EHBP1: variants seen among roughly 807,000 people sequenced by gnomAD.
EHBP1 encodes EH domain binding protein 1.
A neutral mutation model predicts 144.0 loss-of-function variants in EHBP1; 55 were observed. The observed-to-expected ratio is 0.38, with a 90% CI of 0.31 to 0.48. EHBP1 has a LOEUF of 0.48. EHBP1 is among the 20% of genes least tolerant of loss of function. EHBP1 has a pLI of 0.98. For synonymous variants in EHBP1, 469 were observed against 472.7 expected (o/e 0.99, Z 0.10); for missense variants, 1,200 against 1,364.2 (o/e 0.88, Z 1.90).
chr2:62,902,841 G>T (rs964202270), intron 10 of EHBP1, among the ~76,000 whole-genome samples: 1 of 152,240 alleles, frequency 6.6e-6, no homozygotes, highest in Non-Finnish European at 1.5e-5. Context: ...TTTGTTTCAT[G>T]TAAAAATAGT....
intron 2 of EHBP1, among the ~76,000 whole-genome samples, chr2:62,728,893 A>G (rs2037109625): frequency 1.3e-5 from 2 of 151,952 alleles, no homozygotes; most frequent in Admixed American, 1.3e-4. Context: ...TAACTCTTAC[A>G]TATAGTAAGA....
At chr2:62,899,876 GCA>G (rs2053253003) in intron 10 of EHBP1, among the ~76,000 whole-genome samples, 1 of 152,114 alleles carries the variant, frequency 6.6e-6, no homozygotes. Flanking sequence ...ACTGAAATAT[GCA>G]CAGTTTATTT....
chr2:62,716,726 G>A (rs973807187), intron 2 of EHBP1, among the ~76,000 whole-genome samples: 1 of 152,190 alleles, frequency 6.6e-6, no homozygotes. Flanking sequence ...GCGACAAATA[G>A]TCTCTTGTGA....
chr2:62,829,020 A>G lies in EHBP1; in HGVS notation c.495-1999A>G, dbSNP rs1259282452. Among the ~76,000 whole-genome samples, 6 of 152,088 alleles carry G rather than the reference A, an allele frequency of 3.9e-5. No individual in the cohort carries two copies. The East Asian group carries it at 1.2e-3, about 29-fold the overall frequency. ...GGGGTCCCAGCTACTGAGGAGGCTA[A>G]GGCGGGATGATTGCTTGAGCCCAGG... On this transcript the variant is annotated intron_variant, in intron 6 of 22. Transcript: ENST00000431489.
rs540992848 is a variant in EHBP1, at chr2:62,854,439, A to T, written c.635-4730A>T. ...TAGACATGACTTCCTCACAAAACTT[A>T]ATCATTTCTAGCTTTTCATTTAAAG... On this transcript the variant is annotated intron_variant, in intron 7 of 22. Coordinates refer to ENST00000431489, the MANE Select transcript of EHBP1 (RefSeq NM_001142616.3). Among the ~76,000 whole-genome samples, 93 of 152,348 alleles carry T rather than the reference A, an allele frequency of 6.1e-4. 1 individual carries two copies. In the South Asian group the frequency reaches 0.019, roughly 32 times the overall value.
Position 63,005,329 on chromosome 2 carries a change from C to T in EHBP1, c.3103+8563C>T, listed in dbSNP as rs531136686. Among the ~76,000 whole-genome samples the T allele has an allele frequency of 7.9e-5, 12 of 152,114 alleles. No individual in the cohort carries two copies. The South Asian group carries it at 1.9e-3, about 24-fold the overall frequency. ...GAAAAGATGCCTGATGGCTATATTA[C>T]CAAGAAGCCAGATCCCCAGATATAT... On this transcript the variant is annotated intron_variant, in intron 19 of 22. Transcript: ENST00000431489.
intron 5 of EHBP1, among the ~76,000 whole-genome samples, chr2:62,821,952 C>T (rs1181644971): frequency 2.0e-5 from 3 of 151,998 alleles, no homozygotes; most frequent in Non-Finnish European, 4.4e-5. Context: ...TGTCTTTCCC[C>T]TCAAGCATTT....
chr2:62,776,540 A>G (rs2042064148), intron 5 of EHBP1, among the ~76,000 whole-genome samples: 1 of 152,206 alleles, frequency 6.6e-6, no homozygotes, highest in Non-Finnish European at 1.5e-5. Flanking sequence ...TAGTTTTTCC[A>G]TTCCTTTCTA....
Position 62,930,358 on chromosome 2 carries a change from A to G in EHBP1, c.1186-12360A>G, listed in dbSNP as rs560621312. Among the ~76,000 whole-genome samples, 5 of 152,322 alleles carry G rather than the reference A, an allele frequency of 3.3e-5. No individual in the cohort carries two copies. The East Asian group carries it at 9.6e-4, about 29-fold the overall frequency. On this transcript the variant is annotated intron_variant, in intron 10 of 22. Coordinates refer to ENST00000431489, the MANE Select transcript of EHBP1 (RefSeq NM_001142616.3). ...ACTTGCACACTGAAAACTATAAAAC[A>G]TTTCTGAAAGAAACTGAAAAAGGCA... is the stretch of plus-strand genomic sequence containing the variant.
chr2:62,704,462 C>T (rs2034382519), upstream of EHBP1, among the ~76,000 whole-genome samples: 1 of 152,196 alleles, frequency 6.6e-6, no homozygotes, highest in African/African-American at 2.4e-5. Flanking sequence ...TAGACCCTAA[C>T]ACCTTTCAAG....
intron 10 of EHBP1, among the ~76,000 whole-genome samples, chr2:62,892,990 C>G (rs1330595307): frequency 2.0e-5 from 3 of 152,062 alleles, no homozygotes; most frequent in African/African-American, 7.2e-5. Flanking sequence ...ACAGCCTTCA[C>G]TTTGATAAAC....
intron 5 of EHBP1, among the ~76,000 whole-genome samples, chr2:62,825,207 T>C (rs553655314): frequency 1.3e-5 from 2 of 152,192 alleles, no homozygotes; most frequent in South Asian, 4.1e-4. Flanking sequence ...AGATTATGTC[T>C]TATTCATCAT....
At chr2:62,680,739 T>C (rs1249567508) in intron 1 of EHBP1, among the ~76,000 whole-genome samples, 2 of 152,150 alleles carry the variant, frequency 1.3e-5, no homozygotes, top group African/African-American at 4.8e-5. Flanking sequence ...TATGAGGCTA[T>C]TTAGTGACAA....
At chr2:62,873,110 A>T (rs1320226664) in intron 9 of EHBP1, among the ~76,000 whole-genome samples, 1 of 152,196 alleles carries the variant, frequency 6.6e-6, no homozygotes, top group Non-Finnish European at 1.5e-5. Context: ...CTTAGACTAC[A>T]CAGGAATTCC....
chr2:62,913,793 G>A (rs1458433792), intron 10 of EHBP1, among the ~76,000 whole-genome samples: 2 of 152,146 alleles, frequency 1.3e-5, no homozygotes, highest in Admixed American at 6.5e-5. Context: ...AGGCTTTTAT[G>A]CCTCTTCTTT....
chr2:62,727,252 ATG>A (rs1199023969), intron 2 of EHBP1, among the ~76,000 whole-genome samples: 1 of 151,366 alleles, frequency 6.6e-6, no homozygotes, highest in Non-Finnish European at 1.5e-5. Flanking sequence ...CAACTCCTGA[ATG>A]TAACCAGTTT....
At chr2:63,030,633 G>A (rs1378707125) in intron 19 of EHBP1, among the ~76,000 whole-genome samples, 1 of 150,666 alleles carries the variant, frequency 6.6e-6, no homozygotes, top group Non-Finnish European at 1.5e-5. Context: ...GACTACAGGC[G>A]CCCACCACCA....
intron 13 of EHBP1, 77 bp downstream of exon 13, chr2:62,949,239 A>T (rs2057250027): frequency 8.1e-7 from 1 of 1,237,480 alleles, no homozygotes; most frequent in Non-Finnish European, 1.1e-6. Flanking sequence ...GCATTCATAG[A>T]TGCTACAAAT....
chr2:62,764,137 A>G (rs1004596534), intron 3 of EHBP1, 129 bp from the exon 4 acceptor site: 21 of 669,162 alleles, frequency 3.1e-5, no homozygotes, highest in Admixed American at 1.5e-4. Flanking sequence ...CATAGGGTCA[A>G]TATACCATTG....
Sources: gnomAD v4.1 joint callset for allele counts (sites outside exome capture counted in the v4.1 genomes callset) on GRCh38, gnomAD v4.1.1 for gene constraint, MANE v1.5 for transcripts, NCBI Gene and HGNC (gene_info 2026-07-23, HGNC 2026-07-21) for gene names.